EPHB6: variants seen among roughly 807,000 people sequenced by gnomAD.
EPHB6 encodes the protein EPH receptor B6.
EPHB6 carries 51 observed loss-of-function variants against 107.0 expected under a neutral mutation model. The ratio of observed to expected loss-of-function variants is 0.48; its 90% CI spans 0.38 to 0.60. EPHB6 has a LOEUF of 0.60. Ranked by LOEUF, EPHB6 falls within the 20% of genes least tolerant of loss-of-function variation. EPHB6 has a pLI of 0.00. For synonymous variants in EPHB6, 553 were observed against 549.0 expected (o/e 1.01, Z -0.10); for missense variants, 1,141 against 1,355.5 (o/e 0.84, Z 2.48).
Position 142,871,000 on chromosome 7 carries a change from C to T in EPHB6, c.*96C>T. The T allele has an allele frequency of 8.5e-7, 1 of 1,170,158 alleles. No individual in the cohort carries two copies. The highest frequency in any genetic ancestry group is 2.0e-5 in the Admixed American group (1 of 50,712). The allele number at this position is 1,170,158 out of a possible 1,614,324, so 72.5% of individuals were successfully genotyped here. ...CCAACAGCCTCTGTGAGAGATGCCC[C>T]ACACCAAACCCAACCCTCCCGATGG... On this transcript the variant is annotated 3_prime_UTR_variant, in exon 20 of 20. Transcript: ENST00000652003.
intron 1 of EPHB6, among the ~76,000 whole-genome samples, chr7:142,858,989 G>A (rs532843009): frequency 6.6e-5 from 10 of 152,248 alleles, no homozygotes; most frequent in South Asian, 4.1e-4. Context: ...TGTCTAATCC[G>A]TCTCGTTTTC....
rs1448084632 is a variant in EPHB6, at chr7:142,855,519, C to A, written c.-432+134C>A. ...GCTTCCTGAGGGAGTACTGAGGATCCTTCCTCAAGGCCAGAGTGGGGTTCA... is the reference window on the plus strand; with the variant it reads ...GCTTCCTGAGGGAGTACTGAGGATCATTCCTCAAGGCCAGAGTGGGGTTCA... On this transcript the variant is annotated intron_variant, in intron 1 of 19. Transcript: ENST00000652003. The surrounding 1 kb of genome is among the most constrained non-coding windows in gnomAD (Gnocchi z 4.2). 3 of 152,326 alleles carry A rather than the reference C, an allele frequency of 2.0e-5. No homozygotes were observed. Among genetic ancestry groups the A allele is most frequent in the African/African-American group, 7.2e-5 (3 of 41,426 alleles). The allele number at this position is 152,326 out of a possible 1,614,324, so 9.4% of individuals were successfully genotyped here. A position where few individuals can be genotyped will look rare whatever the true frequency, so the allele number is the denominator to read the frequency against.
rs2116447281 is a variant in EPHB6 at position 142,866,366 on chromosome 7, G to C, written c.1462+50G>C. The C allele has an allele frequency of 6.2e-7, 1 of 1,612,018 alleles. No individual in the cohort carries two copies. Among genetic ancestry groups the C allele is most frequent in the South Asian group, 1.1e-5 (1 of 91,072 alleles). On this transcript the variant is annotated intron_variant, in intron 9 of 19. Transcript: ENST00000652003. The surrounding 1 kb of genome is among the most constrained non-coding windows in gnomAD (Gnocchi z 5.2). Reference sequence around the variant, plus strand: ...GGATCCCCTGCCTCCGCTCCTTTGAGCCCCCTTCCCTACTCCTGATCTCCA... The same window carrying C: ...GGATCCCCTGCCTCCGCTCCTTTGACCCCCCTTCCCTACTCCTGATCTCCA...
chr7:142,863,567 G>A (rs1802953580), intron 5 of EPHB6, 64 bp from the exon 6 acceptor site: 1 of 1,569,018 alleles, frequency 6.4e-7, no homozygotes, highest in Non-Finnish European at 8.8e-7. Flanking sequence ...GGTGGGAATA[G>A]AGTAGGGGCT....
In EPHB6 at chr7:142,863,220, G is replaced by A. The variant is rs573786269; in HGVS notation, c.-8G>A. On this transcript the variant is annotated 5_prime_UTR_variant, in exon 5 of 20. Coordinates refer to ENST00000652003, the MANE Select transcript of EPHB6 (RefSeq NM_004445.6). Reference sequence around the variant, plus strand: ...CTGGGGCGATGGTGGACGCCCTGAAGATGTCCCATGGCTACTGAAGGGGCT... The same window carrying A: ...CTGGGGCGATGGTGGACGCCCTGAAAATGTCCCATGGCTACTGAAGGGGCT... 1.9e-6 allele frequency: 3 copies of A among 1,613,956 alleles called. No individual in the cohort carries two copies. The highest frequency in any genetic ancestry group is 1.1e-5 in the South Asian group (1 of 91,072).
chr7:142,869,924 G>A lies in EPHB6; in HGVS notation c.2568G>A (p.Met856Ile), dbSNP rs2116485469. 1.2e-6 allele frequency: 2 copies of A among 1,614,222 alleles called. No individual in the cohort carries two copies. Among genetic ancestry groups the A allele is most frequent in the Non-Finnish European group, 1.7e-6 (2 of 1,180,044 alleles). The change falls in exon 17 of 20, where the codon ATG becomes ATA. Residue 856 changes from methionine to isoleucine, a missense_variant. Met to Ile is a conservative substitution (Grantham distance 10, BLOSUM62 1). Coordinates refer to ENST00000652003, the MANE Select transcript of EPHB6 (RefSeq NM_004445.6). The surrounding 1 kb of genome is among the most constrained non-coding windows in gnomAD (Gnocchi z 4.5). Reference sequence around the variant, plus strand: ...TTGGGATACTCATGTGGGAAGTGATGAGTTATGGAGAACGGCCTTACTGGG... The same window carrying A: ...TTGGGATACTCATGTGGGAAGTGATAAGTTATGGAGAACGGCCTTACTGGG... ...WSFGILMWEV[M>I]SYGERPYWDM...
rs571703931 is a variant in EPHB6 at position 142,870,632 on chromosome 7, C to T, written c.2907C>T (p.Asn969=). ...SAIGLECYQD[N]FSKFGLCTFS... ...TTGGACTGGAGTGCTACCAGGACAACTTCTCCAAGTTTGGCCTCTGTACCT... is the reference window on the plus strand; with the variant it reads ...TTGGACTGGAGTGCTACCAGGACAATTTCTCCAAGTTTGGCCTCTGTACCT... The change falls in exon 19 of 20, where the codon AAC becomes AAT. Residue 969 remains asparagine (N), a synonymous_variant. Coordinates refer to ENST00000652003, the MANE Select transcript of EPHB6 (RefSeq NM_004445.6). 3 of 1,614,256 alleles carry T rather than the reference C, an allele frequency of 1.9e-6. No individual in the cohort carries two copies. In the African/African-American group the frequency reaches 4.0e-5, roughly 22 times the overall value.
Position 142,867,883 on chromosome 7 carries a change from C to A in EPHB6, c.1866-114C>A. 6.7e-7 allele frequency: 1 copy of A among 1,492,652 alleles called. No homozygotes were observed. The highest frequency in any genetic ancestry group is 9.1e-7 in the Non-Finnish European group (1 of 1,096,120). 92.5% of individuals were successfully genotyped at this position (1,492,652 alleles called of 1,614,324 possible). A position where few individuals can be genotyped will look rare whatever the true frequency, so the allele number is the denominator to read the frequency against. On this transcript the variant is annotated intron_variant, in intron 12 of 19. Transcript: ENST00000652003. This position sits in a 1 kb window ranked among gnomAD's most constrained non-coding sequence, Gnocchi z 5.3. ...CCCACGTGGAGATGGGCAGGAGGGCCAGGCTGTCGTCCCCCCTCCACAGAC... is the reference window on the plus strand; with the variant it reads ...CCCACGTGGAGATGGGCAGGAGGGCAAGGCTGTCGTCCCCCCTCCACAGAC...
chr7:142,859,879 T>C (rs995087077), intron 1 of EPHB6, among the ~76,000 whole-genome samples: 1 of 152,214 alleles, frequency 6.6e-6, no homozygotes, highest in African/African-American at 2.4e-5. Context: ...TTAACATCCA[T>C]GTTTCATAAT....
chr7:142,870,129 G>T, intron 17 of EPHB6, 85 bp from the exon 18 acceptor site: 1 of 1,595,876 alleles, frequency 6.3e-7, no homozygotes, highest in Non-Finnish European at 8.6e-7. Flanking sequence ...TGCTCCACCA[G>T]ATTCCAGCCC....
rs1391898828 is a variant in EPHB6 at position 142,864,113 on chromosome 7, A to G, written c.313A>G (p.Ile105Val). 9 of 1,613,898 alleles carry G rather than the reference A, an allele frequency of 5.6e-6. No individual in the cohort carries two copies. The highest frequency in any genetic ancestry group is 5.0e-5 in the Admixed American group (3 of 60,014). ...GCGGCGCGGGGCCCAGAGGGCGCAC[A>G]TTCGACTCCACTTCTCTGTGCGGGC... ...VERRGAQRAH[I>V]RLHFSVRACS... is the part of the protein sequence containing the mutation. Residue 105 changes from isoleucine (I) to valine (V), a missense_variant, in exon 7 of 20, where the codon ATT becomes GTT. By Grantham distance (29) the Ile-to-Val change is conservative (BLOSUM62 3). Coordinates refer to ENST00000652003, the MANE Select transcript of EPHB6 (RefSeq NM_004445.6).
chr7:142,860,637 C>T (rs958464962), intron 1 of EPHB6, among the ~76,000 whole-genome samples: 2 of 152,164 alleles, frequency 1.3e-5, no homozygotes, highest in South Asian at 4.1e-4. Context: ...GAGCAATTTG[C>T]CATATGGAAA....
chr7:142,865,520 G>A lies in EPHB6; in HGVS notation c.995G>A (p.Cys332Tyr), dbSNP rs2116435580. Residue 332 changes from cysteine (C) to tyrosine (Y), a missense_variant, in exon 8 of 20, where the codon TGC becomes TAC. Physicochemically the swap from Cys to Tyr is radical, Grantham distance 194 (BLOSUM62 -2). Coordinates refer to ENST00000652003, the MANE Select transcript of EPHB6 (RefSeq NM_004445.6). Reference sequence around the variant, plus strand: ...AAGGCTTCTGCTGGGAATGCTCCCTGCTCACCATGCCCTGCCCGCAGTCAC... The same window carrying A: ...AAGGCTTCTGCTGGGAATGCTCCCTACTCACCATGCCCTGCCCGCAGTCAC... ...LYKASAGNAP[C>Y]SPCPARSHAP... 6.2e-7 allele frequency: 1 copy of A among 1,613,232 alleles called. No individual in the cohort carries two copies. Among genetic ancestry groups the A allele is most frequent in the Non-Finnish European group, 8.5e-7 (1 of 1,179,920 alleles).
Position 142,868,447 on chromosome 7 carries a change from G to A in EPHB6, c.2039-45G>A, listed in dbSNP as rs138684165. On this transcript the variant is annotated intron_variant, in intron 14 of 19. Coordinates refer to ENST00000652003, the MANE Select transcript of EPHB6 (RefSeq NM_004445.6). The surrounding 1 kb of genome is among the most constrained non-coding windows in gnomAD (Gnocchi z 4.2). ...GAGTCCCATCCAAACACAGCAGGACGCTGTGAGCCTTGATCCCCACCCCAA... is the reference window on the plus strand; with the variant it reads ...GAGTCCCATCCAAACACAGCAGGACACTGTGAGCCTTGATCCCCACCCCAA... 96 of 1,614,078 alleles carry A rather than the reference G, an allele frequency of 5.9e-5. No individual in the cohort carries two copies. In the African/African-American group the frequency reaches 9.3e-4, roughly 16 times the overall value.
rs1056927993 is a variant in EPHB6 at position 142,867,954 on chromosome 7, T to C, written c.1866-43T>C. 4.5e-6 allele frequency: 7 copies of C among 1,550,706 alleles called. No individual in the cohort carries two copies. The highest frequency in any genetic ancestry group is 6.1e-6 in the Non-Finnish European group (7 of 1,148,118). ...GGGTGACAAGGGGGCAGCAAGGGGG[T>C]GGAAATGGGAGCGTCATCCCCAGTC... On this transcript the variant is annotated intron_variant, in intron 12 of 19. Transcript: ENST00000652003. This position sits in a 1 kb window ranked among gnomAD's most constrained non-coding sequence, Gnocchi z 5.3.
At position 142,871,068 on chromosome 7, in the gene EPHB6, A is replaced by C; in HGVS notation, c.*164A>C. On this transcript the variant is annotated 3_prime_UTR_variant, in exon 20 of 20. Coordinates refer to ENST00000652003, the MANE Select transcript of EPHB6 (RefSeq NM_004445.6). The stretch of plus-strand genomic sequence containing the variant: ...CCGCCTCTCCACCAGCCCCCTCCTC[A>C]TTAAAGGGAAAGAAGGGAATTTGCA... The C allele has an allele frequency of 1.4e-6, 1 of 732,802 alleles. No individual in the cohort carries two copies. Among genetic ancestry groups the C allele is most frequent in the South Asian group, 1.6e-5 (1 of 63,246 alleles). The allele number at this position is 732,802 out of a possible 1,614,324, so 45.4% of individuals were successfully genotyped here. A position where few individuals can be genotyped will look rare whatever the true frequency, so the allele number is the denominator to read the frequency against.
intron 8 of EPHB6, 37 bp from the exon 9 acceptor site, chr7:142,865,923 C>T (rs971816359): frequency 1.2e-6 from 2 of 1,605,008 alleles, no homozygotes; most frequent in Admixed American, 1.7e-5. Flanking sequence ...CTGCTGCCCT[C>T]TTGGCCCTTG....
intron 4 of EPHB6, 52 bp downstream of exon 4, chr7:142,862,885 T>G: frequency 7.1e-6 from 2 of 280,236 alleles, no homozygotes; most frequent in East Asian, 5.9e-5. Flanking sequence ...AGGAGAGCTG[T>G]GAGAAATGAA....
chr7:142,865,617 G>A lies in EPHB6; in HGVS notation c.1092G>A (p.Glu364=). Reference sequence around the variant, plus strand: ...ACCGGGCCAGTTCCGACCCACCAGAGGCCCCCTGCACTGGTGAGTTCCTCA... The same window carrying A: ...ACCGGGCCAGTTCCGACCCACCAGAAGCCCCCTGCACTGGTGAGTTCCTCA... The part of the protein sequence containing the change: ...GFYRASSDPP[E]APCTGPPSAP... The change falls in exon 8 of 20, where the codon GAG becomes GAA. Residue 364 remains glutamate (E), a synonymous_variant. Transcript: ENST00000652003. The A allele has an allele frequency of 1.2e-6, 2 of 1,613,492 alleles. No homozygotes were observed. Among genetic ancestry groups the A allele is most frequent in the Non-Finnish European group, 1.7e-6 (2 of 1,179,980 alleles).
Sources: gnomAD v4.1 joint callset for allele counts (sites outside exome capture counted in the v4.1 genomes callset) on GRCh38, gnomAD v4.1.1 for gene constraint, Gnocchi (gnomAD v3.1) non-coding constraint, MANE v1.5 for transcripts, NCBI Gene and HGNC (gene_info 2026-07-23, HGNC 2026-07-21) for gene names.